Variants in CCN3 observed in about 807,000 individuals in gnomAD.
The protein encoded by CCN3 is CCN family member 3.
CCN3 carries 20 observed loss-of-function variants against 33.4 expected under a neutral mutation model. That is an observed-to-expected ratio of 0.60 (90% CI 0.42 to 0.87). CCN3 has a LOEUF of 0.87. Ranked by LOEUF, CCN3 falls within the 40% of genes least tolerant of loss-of-function variation. The probability of loss-of-function intolerance (pLI) is 0.00; values close to 1 mark genes in which losing one functional copy is unlikely to be tolerated. For missense variants in CCN3, 465 were observed against 455.3 expected, an observed-to-expected ratio of 1.02 and a Z score of -0.19; for synonymous variants, 205 against 170.4, an observed-to-expected ratio of 1.20 and a Z score of -1.58.
Position 119,419,335 on chromosome 8 carries a change from C to A in CCN3, c.767C>A (p.Pro256Gln). 1.2e-6 allele frequency: 2 copies of A among 1,613,476 alleles called. No individual in the cohort carries two copies. Among genetic ancestry groups the A allele is most frequent in the Non-Finnish European group, 1.7e-6 (2 of 1,179,992 alleles). The change falls in exon 4 of 5, where the codon CCA (proline) becomes CAA (glutamine). Residue 256 changes from proline to glutamine, a missense_variant. Coordinates refer to ENST00000259526, the MANE Select transcript of CCN3 (RefSeq NM_002514.4). ...VRPCEQEPEQ[P>Q]TDKKGKKCLR... ...CCCTGTGAACAAGAGCCAGAGCAGC[C>A]AACAGATAAGGTAGGAGCCTGGAGG...
At position 119,422,874 on chromosome 8, in the gene CCN3, A is replaced by T; in HGVS notation, c.816A>T (p.Lys272Asn). The T allele has an allele frequency of 6.2e-7, 1 of 1,612,476 alleles. No individual in the cohort carries two copies. The highest frequency in any genetic ancestry group is 8.5e-7 in the Non-Finnish European group (1 of 1,178,868). ...GTCTCCGCACCAAGAAGTCACTCAA[A>T]GCCATCCACCTGCAGTTCAAGAACT... The part of the protein sequence containing the change: ...KKCLRTKKSL[K>N]AIHLQFKNCT... Residue 272 changes from lysine to asparagine, a missense_variant, in exon 5 of 5, where the codon AAA (lysine) becomes AAT (asparagine). Lys to Asn is a moderately conservative substitution (Grantham distance 94). Transcript: ENST00000259526.
chr8:119,422,928 G>A lies in CCN3; in HGVS notation c.870G>A (p.Arg290=), dbSNP rs1365690707. 1.2e-6 allele frequency: 2 copies of A among 1,614,094 alleles called. No individual in the cohort carries two copies. The highest frequency in any genetic ancestry group is 3.3e-5 in the Admixed American group (2 of 60,008). ...CCAGCCTGCACACCTACAAGCCCAG[G>A]TTCTGTGGGGTCTGCAGTGATGGCC... ...NCTSLHTYKP[R]FCGVCSDGRC... is the part of the protein sequence containing the mutation. Residue 290 remains arginine, a synonymous_variant, in exon 5 of 5, where the codon AGG becomes AGA. Coordinates refer to ENST00000259526, the MANE Select transcript of CCN3 (RefSeq NM_002514.4).
In CCN3 at chr8:119,423,215, A is replaced by T. The variant is rs1343112684; in HGVS notation, c.*83A>T. The T allele has an allele frequency of 3.0e-6, 4 of 1,315,488 alleles. No homozygotes were observed. In the East Asian group the frequency reaches 9.3e-5, roughly 31 times the overall value. The allele number at this position is 1,315,488 out of a possible 1,614,324, so 81.5% of individuals were successfully genotyped here. Reference sequence around the variant, plus strand: ...CAAAGGAATATAAGAAAAGTAATGAAGAATCACGATTTCATCCTTGAATCC... The same window carrying T: ...CAAAGGAATATAAGAAAAGTAATGATGAATCACGATTTCATCCTTGAATCC... On this transcript the variant is annotated 3_prime_UTR_variant, in exon 5 of 5. Transcript: ENST00000259526.
Position 119,419,208 on chromosome 8 carries a change from A to G in CCN3, c.640A>G (p.Thr214Ala), listed in dbSNP as rs1820092366. ...VNCIEQTTEW[T>A]ACSKSCGMGF... ...CTGCATTGAACAGACCACAGAGTGG[A>G]CAGCATGCTCCAAGAGCTGTGGTAT... Residue 214 changes from threonine (T) to alanine (A), a missense_variant, in exon 4 of 5, where the codon ACA (threonine) becomes GCA (alanine). Transcript: ENST00000259526. The G allele has an allele frequency of 6.2e-7, 1 of 1,614,240 alleles. No homozygotes were observed. The highest frequency in any genetic ancestry group is 8.5e-7 in the Non-Finnish European group (1 of 1,180,038).
rs1820056568 is a variant in CCN3 at position 119,416,811 on chromosome 8, C to G, written c.152C>G (p.Ala51Gly). 1.9e-6 allele frequency: 3 copies of G among 1,606,894 alleles called. No homozygotes were observed. Among genetic ancestry groups the G allele is most frequent in the Non-Finnish European group, 2.5e-6 (3 of 1,176,984 alleles). The change falls in exon 2 of 5, where the codon GCC (alanine) becomes GGC (glycine). Residue 51 changes from alanine (A) to glycine (G), a missense_variant. Ala to Gly is a moderately conservative substitution (Grantham distance 60). Coordinates refer to ENST00000259526, the MANE Select transcript of CCN3 (RefSeq NM_002514.4). Reference sequence around the variant, plus strand: ...TGCCCTGCGACGCCGCCGACCTGCGCCCCCGGGGTGCGCGCGGTGCTGGAC... The same window carrying G: ...TGCCCTGCGACGCCGCCGACCTGCGGCCCCGGGGTGCGCGCGGTGCTGGAC... ...GRCPATPPTC[A>G]PGVRAVLDGC...
intron 2 of CCN3, 108 bp from the exon 3 acceptor site, chr8:119,417,950 T>C: frequency 1.7e-6 from 2 of 1,157,298 alleles, no homozygotes; most frequent in South Asian, 2.9e-5. Context: ...AGAAAAGGAC[T>C]TGGGTTTTGG....
intron 2 of CCN3, among the ~76,000 whole-genome samples, chr8:119,417,279 G>A (rs1357310668): frequency 3.3e-5 from 5 of 151,986 alleles, no homozygotes; most frequent in African/African-American, 1.2e-4. Context: ...CATTTCCTTC[G>A]GACACTTCTA....
Position 119,419,261 on chromosome 8 carries a change from G to T in CCN3, c.693G>T (p.Arg231Ser), listed in dbSNP as rs1399617600. 6.2e-7 allele frequency: 1 copy of T among 1,614,086 alleles called. No homozygotes were observed. Among genetic ancestry groups the T allele is most frequent in the African/African-American group, 1.3e-5 (1 of 74,932 alleles). The change falls in exon 4 of 5, where the codon AGG becomes AGT. Residue 231 changes from arginine to serine, a missense_variant. Arg to Ser is a moderately radical substitution (Grantham distance 110, BLOSUM62 -1). Coordinates refer to ENST00000259526, the MANE Select transcript of CCN3 (RefSeq NM_002514.4). ...GMGFSTRVTN[R>S]NRQCEMLKQT... Reference sequence around the variant, plus strand: ...GGTTCTCCACCCGGGTCACCAATAGGAACCGTCAATGTGAGATGCTGAAAC... The same window carrying T: ...GGTTCTCCACCCGGGTCACCAATAGTAACCGTCAATGTGAGATGCTGAAAC...
intron 4 of CCN3, among the ~76,000 whole-genome samples, chr8:119,420,965 A>C (rs952334037): frequency 1.3e-5 from 2 of 148,614 alleles, no homozygotes; most frequent in African/African-American, 5.0e-5. Context: ...TATAACAATC[A>C]TTACTTCCTT....
At position 119,416,880 on chromosome 8, in the gene CCN3, G is replaced by A; in HGVS notation, c.221G>A (p.Ser74Asn). Residue 74 changes from serine (S) to asparagine (N), a missense_variant, in exon 2 of 5, where the codon AGC becomes AAC. Coordinates refer to ENST00000259526, the MANE Select transcript of CCN3 (RefSeq NM_002514.4). ...CLVCARQRGESCSDLEPCDES... is the reference protein window; with the variant it reads ...CLVCARQRGENCSDLEPCDES... ...GTGTGTGCCCGCCAGCGTGGCGAGA[G>A]CTGCTCAGATCTGGAGCCATGCGAC... is the stretch of plus-strand genomic sequence containing the variant. The A allele has an allele frequency of 6.2e-7, 1 of 1,613,848 alleles. No homozygotes were observed. Among genetic ancestry groups the A allele is most frequent in the Middle Eastern group, 1.7e-4 (1 of 6,058 alleles).
intron 3 of CCN3, 148 bp from the exon 4 acceptor site, chr8:119,418,979 GATAA>G (rs1157860584): frequency 3.4e-6 from 2 of 593,260 alleles, no homozygotes; most frequent in Non-Finnish European, 5.9e-6. Context: ...TAAATAAATA[GATAA>G]ATAAATTCAG....
At chr8:119,419,700 C>T (rs945594623) in intron 4 of CCN3, among the ~76,000 whole-genome samples, 1 of 152,196 alleles carries the variant, frequency 6.6e-6, no homozygotes, top group African/African-American at 2.4e-5. Context: ...CTTCTGACCT[C>T]AGTTCTCTTT....
At position 119,419,107 on chromosome 8, in the gene CCN3, T is replaced by C. The variant is rs527330407; in HGVS notation, c.563-24T>C. ...ATCCTCACATTGTACCTAATATGGC[T>C]GTCTTTATTTATACATCCCATAGCT... On this transcript the variant is annotated intron_variant, in intron 3 of 4. Coordinates refer to ENST00000259526, the MANE Select transcript of CCN3 (RefSeq NM_002514.4). 149 of 1,583,776 alleles carry C rather than the reference T, an allele frequency of 9.4e-5. No individual in the cohort carries two copies. The East Asian group carries it at 3.1e-3, about 33-fold the overall frequency.
Position 119,416,794 on chromosome 8 carries a change from G to A in CCN3, c.135G>A (p.Ala45=). Residue 45 remains alanine (A), a synonymous_variant, in exon 2 of 5, where the codon GCG becomes GCA. Coordinates refer to ENST00000259526, the MANE Select transcript of CCN3 (RefSeq NM_002514.4). The part of the protein sequence containing the change: ...CPPQCPGRCP[A]TPPTCAPGVR... The stretch of plus-strand genomic sequence containing the variant: ...CCCAGTGCCCGGGCCGGTGCCCTGC[G>A]ACGCCGCCGACCTGCGCCCCCGGGG... 1 of 1,600,664 alleles carries A rather than the reference G, an allele frequency of 6.2e-7. No homozygotes were observed. The highest frequency in any genetic ancestry group is 8.5e-7 in the Non-Finnish European group (1 of 1,173,828).
In CCN3 at chr8:119,418,301, C is replaced by T. The variant is rs762638899; in HGVS notation, c.554C>T (p.Thr185Ile). 1.9e-6 allele frequency: 3 copies of T among 1,613,958 alleles called. No individual in the cohort carries two copies. In the East Asian group the frequency reaches 6.7e-5, roughly 36 times the overall value. Residue 185 changes from threonine to isoleucine, a missense_variant, in exon 3 of 5, where the codon ACC becomes ATC. By Grantham distance (89) the Thr-to-Ile change is moderately conservative (BLOSUM62 -1). Transcript: ENST00000259526. ...PDEEDSLGGL[T>I]LAAYRPEATL... Reference sequence around the variant, plus strand: ...GAGGAGGATTCACTGGGAGGCCTTACCCTTGCAGGTGAGAAACTCAATATA... The same window carrying T: ...GAGGAGGATTCACTGGGAGGCCTTATCCTTGCAGGTGAGAAACTCAATATA...
chr8:119,417,902 T>TA (rs1820073824), intron 2 of CCN3, among the ~76,000 whole-genome samples, 156 bp from the exon 3 acceptor site: 1 of 152,208 alleles, frequency 6.6e-6, no homozygotes, highest in Non-Finnish European at 1.5e-5. Context: ...AGGACATCAC[T>TA]CTACAGTAGA....
chr8:119,420,411 A>G (rs1018690221), intron 4 of CCN3, among the ~76,000 whole-genome samples: 4 of 152,176 alleles, frequency 2.6e-5, no homozygotes, highest in African/African-American at 9.7e-5. Flanking sequence ...ATTACTTATG[A>G]TTTCTATTTA....
At chr8:119,419,542 G>A (rs370482209) in intron 4 of CCN3, among the ~76,000 whole-genome samples, 197 bp downstream of exon 4, 3 of 152,348 alleles carry the variant, frequency 2.0e-5, no homozygotes, top group East Asian at 3.9e-4. Context: ...AATACTCTAA[G>A]CAACTCACAG....
Position 119,419,249 on chromosome 8 carries a change from G to T in CCN3, c.681G>T (p.Arg227=), listed in dbSNP as rs1159957552. ...GCTGTGGTATGGGGTTCTCCACCCG[G>T]GTCACCAATAGGAACCGTCAATGTG... ...SKSCGMGFST[R]VTNRNRQCEM... Residue 227 remains arginine, a synonymous_variant, in exon 4 of 5, where the codon CGG becomes CGT. Transcript: ENST00000259526. 1.2e-6 allele frequency: 2 copies of T among 1,614,078 alleles called. No individual in the cohort carries two copies. Among genetic ancestry groups the T allele is most frequent in the Non-Finnish European group, 1.7e-6 (2 of 1,180,048 alleles).
Sources: gnomAD v4.1 joint callset for allele counts (sites outside exome capture counted in the v4.1 genomes callset) on GRCh38, gnomAD v4.1.1 for gene constraint, MANE v1.5 for transcripts, NCBI Gene and HGNC (gene_info 2026-07-23, HGNC 2026-07-21) for gene names.